Variants in UGGT1 observed in about 807,000 individuals in gnomAD.
The protein encoded by UGGT1 is UDP-glucose glycoprotein glucosyltransferase 1.
A neutral mutation model predicts 203.9 loss-of-function variants in UGGT1; 107 were observed. The ratio of observed to expected loss-of-function variants is 0.52; its 90% confidence interval spans 0.45 to 0.62. UGGT1 has a LOEUF of 0.62. Among genes scored for constraint, UGGT1 ranks in the 20% least tolerant of loss-of-function variants. The pLI, the probability that UGGT1 is intolerant of heterozygous loss-of-function variation, is 0.00. For missense variants in UGGT1, 1,673 were observed against 1,867.2 expected (o/e 0.90, Z 1.92); for synonymous variants, 628 against 653.5 (o/e 0.96, Z 0.59).
rs1335933088 is a variant in UGGT1, at chr2:128,152,831, G to T, written c.2064G>T (p.Gln688His). 6.2e-7 allele frequency: 1 copy of T among 1,613,664 alleles called. No homozygotes were observed. Among genetic ancestry groups the T allele is most frequent in the East Asian group, 2.2e-5 (1 of 44,836 alleles). ...DQDVVEYIMNQPNVVPRINSR... is the reference protein window; with the variant it reads ...DQDVVEYIMNHPNVVPRINSR... ...ATGTGGTAGAGTATATCATGAATCA[G>T]CCAAATGTTGTTCCACGAATCAATT... Residue 688 changes from glutamine (Q) to histidine (H), a missense_variant, in exon 19 of 41, where the codon CAG (glutamine) becomes CAT (histidine). Gln to His is a conservative substitution (Grantham distance 24). Transcript: ENST00000259253.
At chr2:128,120,536 A>C (rs1688327913) in intron 9 of UGGT1, 80 bp downstream of exon 9, 2 of 1,098,094 alleles carry the variant, frequency 1.8e-6, no homozygotes, top group African/African-American at 3.1e-5. Flanking sequence ...TTTGAATTTA[A>C]TTGTATGTAG....
intron 11 of UGGT1, among the ~76,000 whole-genome samples, chr2:128,124,006 C>A (rs1357981841): frequency 6.6e-6 from 1 of 152,110 alleles, no homozygotes; most frequent in Non-Finnish European, 1.5e-5. Context: ...AGTGCAGTGG[C>A]GTGATCTCAG....
intron 9 of UGGT1, 138 bp from the exon 10 acceptor site, chr2:128,121,061 T>C (rs1419974568): frequency 3.9e-6 from 3 of 770,444 alleles, no homozygotes; most frequent in Non-Finnish European, 6.4e-6. Context: ...AATTAAATCA[T>C]GGGCACTCTC....
intron 16 of UGGT1, among the ~76,000 whole-genome samples, chr2:128,142,338 C>T (rs1202273560): frequency 6.6e-6 from 1 of 151,708 alleles, no homozygotes; most frequent in Non-Finnish European, 1.5e-5. Flanking sequence ...GTAATCCCAG[C>T]ACTTTGGGAG....
chr2:128,108,663 A>G (rs1303411409), intron 4 of UGGT1, among the ~76,000 whole-genome samples: 1 of 52,612 alleles, frequency 1.9e-5, no homozygotes, highest in Non-Finnish European at 5.1e-5. Context: ...TAAAACATGG[A>G]AAAACTCCTC....
Position 128,148,329 on chromosome 2 carries a change from C to T in UGGT1, c.2016+2362C>T, listed in dbSNP as rs113112428. Among the ~76,000 whole-genome samples the T allele has an allele frequency of 8.5e-4, 129 of 152,254 alleles. 1 individual carries two copies. The highest frequency in any genetic ancestry group is 2.7e-3 in the African/African-American group (114 of 41,554). Reference sequence around the variant, plus strand: ...CTGTCCTCAAGTGATCCACTCACCTCGGCCTTCCAAAGTGCTGTGACTACA... The same window carrying T: ...CTGTCCTCAAGTGATCCACTCACCTTGGCCTTCCAAAGTGCTGTGACTACA... On this transcript the variant is annotated intron_variant, in intron 18 of 40. Coordinates refer to ENST00000259253, the MANE Select transcript of UGGT1 (RefSeq NM_020120.4).
At chr2:128,152,643 T>C (rs1232704880) in intron 18 of UGGT1, 141 bp from the exon 19 acceptor site, 2 of 1,174,174 alleles carry the variant, frequency 1.7e-6, no homozygotes, top group African/African-American at 3.1e-5. Context: ...CAGGGACCAA[T>C]AACATAGTAA....
At chr2:128,163,366 T>C (rs1387436796) in intron 25 of UGGT1, among the ~76,000 whole-genome samples, 1 of 143,122 alleles carries the variant, frequency 7.0e-6, no homozygotes, top group Non-Finnish European at 1.5e-5. Context: ...GTTCAGCAAA[T>C]TGGAGTGTTT....
At chr2:128,129,521 C>G (rs1004349320) in intron 13 of UGGT1, among the ~76,000 whole-genome samples, 1 of 151,880 alleles carries the variant, frequency 6.6e-6, no homozygotes, top group African/African-American at 2.4e-5. Context: ...GCCTCAGCCT[C>G]CCGAGTAGCT....
chr2:128,159,093 C>CTTT (rs753907632), intron 22 of UGGT1, among the ~76,000 whole-genome samples: 8 of 110,468 alleles, frequency 7.2e-5, no homozygotes, highest in Admixed American at 9.8e-5. Flanking sequence ...CTATCTGAGA[C>CTTT]TTTTTTTTTT....
At chr2:128,113,535 GTCA>G (rs1275482534) in intron 6 of UGGT1, among the ~76,000 whole-genome samples, 1 of 152,086 alleles carries the variant, frequency 6.6e-6, no homozygotes, top group African/African-American at 2.4e-5. Context: ...TTTTAATATG[GTCA>G]TCATACTATG....
At chr2:128,166,349 C>T (rs984176901) in intron 26 of UGGT1, among the ~76,000 whole-genome samples, 2 of 152,160 alleles carry the variant, frequency 1.3e-5, no homozygotes, top group East Asian at 1.9e-4. Context: ...TTTGGAAATA[C>T]GTTGCAGACA....
intron 26 of UGGT1, among the ~76,000 whole-genome samples, chr2:128,169,703 A>G (rs796618436): frequency 6.6e-6 from 1 of 152,234 alleles, no homozygotes; most frequent in Non-Finnish European, 1.5e-5. Flanking sequence ...ATTATTTCTT[A>G]TAGAGGATGC....
At chr2:128,161,906 T>G (rs1357268002) in intron 25 of UGGT1, among the ~76,000 whole-genome samples, 1 of 152,230 alleles carries the variant, frequency 6.6e-6, no homozygotes, top group African/African-American at 2.4e-5. Context: ...TCTATTTCTA[T>G]GTTTAATTGT....
Position 128,091,262 on chromosome 2 carries a change from C to T in UGGT1, c.-96C>T, listed in dbSNP as rs528972815. ...GAGCCGCGGGAAAGGCGCGTGTCGG[C>T]CTCTCACTGGCGCAGCCTGCACTGC... On this transcript the variant is annotated 5_prime_UTR_variant, in exon 1 of 41. Transcript: ENST00000259253. 1.5e-5 allele frequency: 20 copies of T among 1,298,402 alleles called. No individual in the cohort carries two copies. In the East Asian group the frequency reaches 4.9e-4, roughly 32 times the overall value. The allele number at this position is 1,298,402 out of a possible 1,614,324, so 80.4% of individuals were successfully genotyped here.
At chr2:128,151,229 GCTC>G in intron 18 of UGGT1, 1 of 592,964 alleles carries the variant, frequency 1.7e-6, no homozygotes, top group South Asian at 1.5e-5. Context: ...TGTTTCTTCT[GCTC>G]CTCTTTTTGT....
At chr2:128,167,988 T>G (rs1194518073) in intron 26 of UGGT1, among the ~76,000 whole-genome samples, 1 of 152,212 alleles carries the variant, frequency 6.6e-6, no homozygotes, top group Admixed American at 6.5e-5. Context: ...GAGTCCTTTT[T>G]GAGACTCTCT....
intron 1 of UGGT1, chr2:128,091,631 T>TGG (rs1686870135): frequency 2.8e-6 from 4 of 1,421,140 alleles, no homozygotes; most frequent in Middle Eastern, 1.9e-4. Flanking sequence ...CGGGCTCTGT[T>TGG]CAGCGGTCTT....
In UGGT1 at chr2:128,153,410, A is replaced by C. The variant is rs1045581672; in HGVS notation, c.2137+506A>C. Among the ~76,000 whole-genome samples the C allele has an allele frequency of 3.3e-5, 5 of 152,030 alleles. No homozygotes were observed. The East Asian group carries it at 9.6e-4, about 29-fold the overall frequency. ...ATTCAATGGTTTTTTTAATGAAAAA[A>C]ACCCCACAAAGTTTGTGCAGTCATC... On this transcript the variant is annotated intron_variant, in intron 19 of 40. Transcript: ENST00000259253.
Sources: allele counts gnomAD v4.1 joint callset (sites outside exome capture counted in the v4.1 genomes callset), GRCh38; gene constraint gnomAD v4.1.1; transcripts MANE v1.5; gene names NCBI Gene and HGNC (gene_info 2026-07-23, HGNC 2026-07-21).